MNAT1: variants seen among roughly 807,000 people sequenced by gnomAD.
The protein encoded by MNAT1 is MNAT1 component of CDK activating kinase, also known as CDK-activating kinase assembly factor MAT1.
Under a neutral mutation model 42.0 loss-of-function variants are expected in MNAT1, and 43 were observed. The observed-to-expected ratio is 1.02, with a 90% CI of 0.80 to 1.32. The LOEUF is 1.32. Among genes scored for constraint, MNAT1 ranks in the 40% most tolerant of loss-of-function variants. MNAT1 has a pLI of 0.00. For synonymous variants in MNAT1, 118 were observed against 120.0 expected (o/e 0.98, Z 0.11); for missense variants, 306 against 350.4 (o/e 0.87, Z 1.01).
At chr14:60,955,968 A>G (rs2036481037) in intron 7 of MNAT1, among the ~76,000 whole-genome samples, 1 of 151,516 alleles carries the variant, frequency 6.6e-6, no homozygotes, top group African/African-American at 2.4e-5. Context: ...TTTTAGTTTC[A>G]TTGATTTTTT....
At chr14:60,918,198 C>CT (rs386381525) in intron 7 of MNAT1, among the ~76,000 whole-genome samples, 25,430 of 48,426 alleles carry the variant, frequency 0.53, 11,916 homozygotes, top group Non-Finnish European at 0.74. Flanking sequence ...ATTAATTGTT[C>CT]TTTTTTTTTT....
chr14:60,926,983 G>A (rs2035781017), intron 7 of MNAT1, among the ~76,000 whole-genome samples: 1 of 152,090 alleles, frequency 6.6e-6, no homozygotes, highest in Non-Finnish European at 1.5e-5. Context: ...GTCAAGAAAT[G>A]GAGTCAAAGA....
intron 7 of MNAT1, among the ~76,000 whole-genome samples, chr14:60,934,435 G>C (rs142261938): frequency 6.6e-6 from 1 of 152,086 alleles, no homozygotes; most frequent in Non-Finnish European, 1.5e-5. Context: ...ATCTTATCTC[G>C]AATTTCCATG....
chr14:60,809,044 CATTATT>C (rs1008369101), intron 4 of MNAT1: 5 of 151,966 alleles, frequency 3.3e-5, no homozygotes, highest in East Asian at 3.9e-4. Flanking sequence ...TCTCAGGAGT[CATTATT>C]ATTATATGTA....
At chr14:60,785,968 A>AT (rs1186056969) in intron 1 of MNAT1, among the ~76,000 whole-genome samples, 1 of 152,094 alleles carries the variant, frequency 6.6e-6, no homozygotes. Flanking sequence ...AATTATATAT[A>AT]TTTTTTCATG....
intron 7 of MNAT1, among the ~76,000 whole-genome samples, chr14:60,882,893 T>C (rs967215993): frequency 1.3e-5 from 2 of 152,188 alleles, no homozygotes; most frequent in African/African-American, 4.8e-5. Flanking sequence ...CTTTGAGAAA[T>C]GTATGTTCAA....
chr14:60,915,211 G>A (rs772884810), intron 7 of MNAT1, among the ~76,000 whole-genome samples: 4 of 152,010 alleles, frequency 2.6e-5, no homozygotes, highest in Admixed American at 1.3e-4. Flanking sequence ...TCATCATACT[G>A]CAGTTCCTTG....
intron 7 of MNAT1, among the ~76,000 whole-genome samples, chr14:60,911,453 G>T (rs575827162): frequency 6.6e-6 from 1 of 151,894 alleles, no homozygotes; most frequent in African/African-American, 2.4e-5. Context: ...TTTCTCTTGT[G>T]GGCACTTAGT....
At chr14:60,929,647 T>C (rs2035845007) in intron 7 of MNAT1, among the ~76,000 whole-genome samples, 1 of 152,142 alleles carries the variant, frequency 6.6e-6, no homozygotes, top group South Asian at 2.1e-4. Context: ...CCTGAACGTT[T>C]TCTTGACCTG....
intron 7 of MNAT1, among the ~76,000 whole-genome samples, chr14:60,911,633 G>A (rs769906334): frequency 7.2e-5 from 11 of 152,304 alleles, no homozygotes; most frequent in Non-Finnish European, 1.2e-4. Flanking sequence ...GAGTGGTTTT[G>A]AGTGAGTTTC....
intron 7 of MNAT1, among the ~76,000 whole-genome samples, chr14:60,926,792 C>T (rs1389749567): frequency 6.6e-6 from 1 of 152,146 alleles, no homozygotes; most frequent in Non-Finnish European, 1.5e-5. Context: ...AACCTTCAGC[C>T]TCCTCCCTTC....
At chr14:60,959,678 T>C (rs529368459) in intron 7 of MNAT1, among the ~76,000 whole-genome samples, 4 of 152,380 alleles carry the variant, frequency 2.6e-5, no homozygotes, top group South Asian at 2.1e-4. Context: ...TGTATTGCTG[T>C]AGTTTCTTAA....
At chr14:60,862,537 G>A (rs1452656608) in intron 6 of MNAT1, among the ~76,000 whole-genome samples, 3 of 152,206 alleles carry the variant, frequency 2.0e-5, no homozygotes, top group Non-Finnish European at 4.4e-5. Context: ...ACTTGTCCGT[G>A]AGGATTTGCA....
intron 7 of MNAT1, among the ~76,000 whole-genome samples, chr14:60,886,111 T>C (rs1011973125): frequency 6.6e-6 from 1 of 152,106 alleles, no homozygotes. Context: ...TCTGTTCCAA[T>C]GTGTATATGT....
intron 7 of MNAT1, among the ~76,000 whole-genome samples, chr14:60,914,052 C>T (rs569873451): frequency 8.9e-4 from 136 of 152,306 alleles, no homozygotes; most frequent in Non-Finnish European, 1.5e-3. Context: ...GCCTCGCTGC[C>T]GCCTTGCAGT....
intron 7 of MNAT1, among the ~76,000 whole-genome samples, chr14:60,891,644 G>A (rs1044309915): frequency 3.3e-5 from 5 of 151,952 alleles, no homozygotes; most frequent in African/African-American, 1.2e-4. Context: ...GTAGAGACCG[G>A]GTTTTACCAC....
chr14:60,928,700 T>C (rs1174609946), intron 7 of MNAT1, among the ~76,000 whole-genome samples: 1 of 152,152 alleles, frequency 6.6e-6, no homozygotes, highest in Non-Finnish European at 1.5e-5. Context: ...TTTGTTTTAT[T>C]ATAAAGTTAC....
rs534828669 is a variant in MNAT1 at position 60,927,820 on chromosome 14, A to G, written c.810-40409A>G. On this transcript the variant is annotated intron_variant, in intron 7 of 7. Transcript: ENST00000261245. ...GCCTCTGAGGGTCTGCATTTACCCA[A>G]TGAGTATCTCATGACTGAGGGATAC... Among the ~76,000 whole-genome samples the G allele has an allele frequency of 2.6e-5, 4 of 152,272 alleles. No homozygotes were observed. In the East Asian group the frequency reaches 7.7e-4, roughly 29 times the overall value.
intron 7 of MNAT1, among the ~76,000 whole-genome samples, chr14:60,901,930 G>C (rs1215550447): frequency 6.6e-6 from 1 of 152,214 alleles, no homozygotes; most frequent in Admixed American, 6.5e-5. Flanking sequence ...AGCTGATAAA[G>C]CAGTGATAGG....
Sources: gnomAD v4.1 joint callset for allele counts (sites outside exome capture counted in the v4.1 genomes callset) on GRCh38, gnomAD v4.1.1 for gene constraint, MANE v1.5 for transcripts, NCBI Gene and HGNC (gene_info 2026-07-23, HGNC 2026-07-21) for gene names.